Variants in TRPC4 observed in about 807,000 individuals in gnomAD.
The protein encoded by TRPC4 is short transient receptor potential channel 4.
In TRPC4, 49 loss-of-function variants were observed where a neutral mutation model predicts 99.4. That is an observed-to-expected ratio of 0.49 (90% CI 0.39 to 0.63). The LOEUF is 0.63. TRPC4 is among the 20% of genes least tolerant of loss of function. The pLI is 0.00. For synonymous variants in TRPC4, 454 were observed against 425.9 expected (o/e 1.07, Z -0.81); for missense variants, 898 against 1,152.9 (o/e 0.78, Z 3.20).
intron 3 of TRPC4, among the ~76,000 whole-genome samples, chr13:37,708,282 A>G (rs1038780384): frequency 5.9e-5 from 9 of 152,112 alleles, no homozygotes; most frequent in Non-Finnish European, 1.2e-4. Flanking sequence ...TGGAAAGTCC[A>G]TTTGATAGCA....
rs1951453579 is a variant in TRPC4 at position 37,634,115 on chromosome 13, G to A, written c.*2788C>T. Among the ~76,000 whole-genome samples the A allele has an allele frequency of 6.6e-6, 1 of 152,024 alleles. No homozygotes were observed. Among genetic ancestry groups the A allele is most frequent in the Non-Finnish European group, 1.5e-5 (1 of 67,954 alleles). On this transcript the variant is annotated 3_prime_UTR_variant, in exon 11 of 11. Coordinates refer to ENST00000379705, the MANE Select transcript of TRPC4 (RefSeq NM_016179.4). ...TTAAGATTAAGAGAGTACGAAAAAT[G>A]AGAAACATTATTTATGTAAATGAAG...
intron 1 of TRPC4, among the ~76,000 whole-genome samples, chr13:37,844,278 G>A (rs971308313): frequency 6.6e-6 from 1 of 151,976 alleles, no homozygotes; most frequent in Non-Finnish European, 1.5e-5. Flanking sequence ...ATGGTTCACA[G>A]GTCTTTCTTT....
At chr13:37,776,896 C>T (rs1956720679) in intron 2 of TRPC4, among the ~76,000 whole-genome samples, 1 of 151,880 alleles carries the variant, frequency 6.6e-6, no homozygotes, top group Non-Finnish European at 1.5e-5. Flanking sequence ...AATATATTTA[C>T]TGGAATCCAT....
chr13:37,794,795 G>T (rs566090814), intron 1 of TRPC4, among the ~76,000 whole-genome samples: 1 of 152,174 alleles, frequency 6.6e-6, no homozygotes, highest in Non-Finnish European at 1.5e-5. Context: ...TTTGATACAT[G>T]ATTTTTCTGC....
chr13:37,780,432 A>G (rs1457702979), intron 2 of TRPC4, among the ~76,000 whole-genome samples: 1 of 152,132 alleles, frequency 6.6e-6, no homozygotes, highest in Non-Finnish European at 1.5e-5. Flanking sequence ...AATAAAATGA[A>G]TGATGACGTG....
chr13:37,680,217 G>C (rs145311186), intron 4 of TRPC4, among the ~76,000 whole-genome samples: 31 of 152,222 alleles, frequency 2.0e-4, no homozygotes, highest in African/African-American at 7.5e-4. Flanking sequence ...GTACAATGTT[G>C]CTTATTTGTT....
intron 1 of TRPC4, among the ~76,000 whole-genome samples, chr13:37,804,768 G>A (rs561083363): frequency 6.6e-6 from 1 of 152,024 alleles, no homozygotes; most frequent in South Asian, 2.1e-4. Flanking sequence ...ATGTGTGACT[G>A]TTTCTTATAA....
chr13:37,813,948 A>T (rs1364876904), intron 1 of TRPC4, among the ~76,000 whole-genome samples: 1 of 151,848 alleles, frequency 6.6e-6, no homozygotes, highest in African/African-American at 2.4e-5. Context: ...TAATAAAAAG[A>T]CACCAAATCC....
chr13:37,677,065 CATT>C (rs1953083534), intron 4 of TRPC4, among the ~76,000 whole-genome samples: 1 of 151,888 alleles, frequency 6.6e-6, no homozygotes, highest in South Asian at 2.1e-4. Context: ...GGTATAATGA[CATT>C]AGCACAGAAG....
intron 1 of TRPC4, among the ~76,000 whole-genome samples, chr13:37,841,348 T>C (rs1219349757): frequency 6.6e-6 from 1 of 152,068 alleles, no homozygotes; most frequent in Non-Finnish European, 1.5e-5. Context: ...GGTAAATCCT[T>C]GTTTTCTCGG....
At chr13:37,790,953 T>C (rs1957102575) in intron 1 of TRPC4, among the ~76,000 whole-genome samples, 1 of 151,908 alleles carries the variant, frequency 6.6e-6, no homozygotes, top group Admixed American at 6.6e-5. Context: ...GCTTTAAAAA[T>C]AGGGAAGAAA....
At chr13:37,693,189 A>G (rs908925967) in intron 3 of TRPC4, among the ~76,000 whole-genome samples, 3 of 151,394 alleles carry the variant, frequency 2.0e-5, no homozygotes, top group East Asian at 1.9e-4. Flanking sequence ...AACCTTTCTC[A>G]TTGGGATTGT....
intron 1 of TRPC4, among the ~76,000 whole-genome samples, chr13:37,847,916 G>A (rs1958949677): frequency 6.6e-6 from 1 of 152,042 alleles, no homozygotes; most frequent in South Asian, 2.1e-4. Flanking sequence ...TGACCAAACA[G>A]TACAAAGTTT....
intron 4 of TRPC4, among the ~76,000 whole-genome samples, chr13:37,685,536 C>G (rs1953438959): frequency 6.6e-6 from 1 of 152,098 alleles, no homozygotes; most frequent in South Asian, 2.1e-4. Context: ...TTTTCAGTTT[C>G]TACTATTATT....
At chr13:37,766,247 G>A (rs974605195) in intron 2 of TRPC4, among the ~76,000 whole-genome samples, 2 of 151,390 alleles carry the variant, frequency 1.3e-5, no homozygotes, top group African/African-American at 4.8e-5. Context: ...GATGCAGCAG[G>A]AAAGTAGGAA....
intron 1 of TRPC4, among the ~76,000 whole-genome samples, chr13:37,799,122 G>T (rs1429163917): frequency 1.3e-5 from 2 of 151,950 alleles, no homozygotes; most frequent in Non-Finnish European, 2.9e-5. Flanking sequence ...TTTTAGTAGA[G>T]ACAGGGTTTC....
chr13:37,762,569 G>A (rs972938253), intron 2 of TRPC4, among the ~76,000 whole-genome samples: 1 of 151,622 alleles, frequency 6.6e-6, no homozygotes, highest in South Asian at 2.1e-4. Flanking sequence ...CCTTTGTATG[G>A]ACATGGATGA....
intron 2 of TRPC4, among the ~76,000 whole-genome samples, chr13:37,751,394 A>G (rs1204326046): frequency 7.6e-6 from 1 of 130,962 alleles, no homozygotes; most frequent in East Asian, 2.0e-4. Flanking sequence ...TGAGAAAAGA[A>G]TGAGAGAGAG....
At chr13:37,852,802 T>G (rs1204133124) in intron 1 of TRPC4, among the ~76,000 whole-genome samples, 1 of 152,026 alleles carries the variant, frequency 6.6e-6, no homozygotes, top group Non-Finnish European at 1.5e-5. Context: ...GGGCATTAAG[T>G]GAACACTAGC....
Sources: allele counts gnomAD v4.1 joint callset (sites outside exome capture counted in the v4.1 genomes callset), GRCh38; gene constraint gnomAD v4.1.1; transcripts MANE v1.5; gene names NCBI Gene and HGNC (gene_info 2026-07-23, HGNC 2026-07-21).